The following KATNIP variants were observed in gnomAD, a reference collection of about 807,000 sequenced individuals.
The protein encoded by KATNIP is katanin-interacting protein.
In KATNIP, 126 loss-of-function variants were observed where a neutral mutation model predicts 174.0. That is an observed-to-expected ratio of 0.72 (90% CI 0.63 to 0.84). The LOEUF is 0.84. Ranked by LOEUF, KATNIP falls within the 40% of genes least tolerant of loss-of-function variation. KATNIP has a pLI of 0.00. For synonymous variants in KATNIP, 810 were observed against 835.7 expected, an observed-to-expected ratio of 0.97 and a Z score of 0.53; for missense variants, 1,958 against 2,109.7, an observed-to-expected ratio of 0.93 and a Z score of 1.41.
chr16:27,644,641 G>A (rs1464034524), intron 5 of KATNIP: 1 of 152,176 alleles, frequency 6.6e-6, no homozygotes, highest in East Asian at 1.9e-4. Context: ...AAGTAGCTGG[G>A]ACTACAGGCA....
intron 1 of KATNIP, among the ~76,000 whole-genome samples, chr16:27,572,557 GTC>G (rs1203416769): frequency 1.3e-5 from 2 of 152,074 alleles, no homozygotes; most frequent in African/African-American, 2.4e-5. Flanking sequence ...CCTCTTCTCT[GTC>G]TCTCAGAACC....
rs554128302 is a variant in KATNIP at position 27,637,169 on chromosome 16, C to T, written c.408+6007C>T. On this transcript the variant is annotated intron_variant, in intron 5 of 27. Coordinates refer to ENST00000261588, the MANE Select transcript of KATNIP (RefSeq NM_015202.5). This position sits in a 1 kb window ranked among gnomAD's most constrained non-coding sequence, Gnocchi z 4.7. ...ACAGGAGAAATAGTGAATGGTGCTG[C>T]CTGTTGTTGTTTTAATCACAGAGGG... is the stretch of plus-strand genomic sequence containing the variant. Among the ~76,000 whole-genome samples, 6 of 152,318 alleles carry T rather than the reference C, an allele frequency of 3.9e-5. No homozygotes were observed. The South Asian group carries it at 1.2e-3, about 32-fold the overall frequency.
intron 2 of KATNIP, among the ~76,000 whole-genome samples, chr16:27,580,373 A>G (rs551977434): frequency 1.3e-5 from 2 of 152,234 alleles, no homozygotes; most frequent in South Asian, 4.1e-4. Flanking sequence ...TTGGCCTCCC[A>G]AAGTTCTGGG....
At chr16:27,555,260 A>G (rs555594967) in intron 1 of KATNIP, among the ~76,000 whole-genome samples, 1 of 152,276 alleles carries the variant, frequency 6.6e-6, no homozygotes, top group South Asian at 2.1e-4. Context: ...ATGCCCTCCA[A>G]ACTGGACTGT....
chr16:27,720,795 C>T (rs765115167), intron 13 of KATNIP, among the ~76,000 whole-genome samples: 1 of 152,120 alleles, frequency 6.6e-6, no homozygotes, highest in Non-Finnish European at 1.5e-5. Flanking sequence ...AGCGTGGACG[C>T]GTTTGGGAGC....
intron 9 of KATNIP, among the ~76,000 whole-genome samples, chr16:27,698,887 G>A (rs1481773433): frequency 6.6e-6 from 1 of 152,182 alleles, no homozygotes; most frequent in Non-Finnish European, 1.5e-5. Context: ...TCAGGCCTCC[G>A]CAGTCGTCAC....
intron 3 of KATNIP, 39 bp downstream of exon 3, chr16:27,618,540 G>A (rs1050188205): frequency 7.7e-6 from 11 of 1,429,292 alleles, no homozygotes; most frequent in South Asian, 3.4e-5. Context: ...TGATATTAGC[G>A]AAGTAAAAAT....
chr16:27,614,589 G>A (rs143362619), intron 2 of KATNIP, among the ~76,000 whole-genome samples: 50 of 152,238 alleles, frequency 3.3e-4, no homozygotes, highest in Non-Finnish European at 5.9e-4. Context: ...GATTACAGGC[G>A]TGAGCATGCC....
intron 2 of KATNIP, among the ~76,000 whole-genome samples, chr16:27,614,080 A>G (rs1023137732): frequency 6.3e-5 from 9 of 142,040 alleles, no homozygotes; most frequent in African/African-American, 2.3e-4. Flanking sequence ...CACACCAGCT[A>G]TTTTTTTTTT....
chr16:27,550,442 T>G, intron 1 of KATNIP, among the ~76,000 whole-genome samples: 1 of 150,804 alleles, frequency 6.6e-6, no homozygotes, highest in African/African-American at 2.4e-5. Flanking sequence ...GGATGTAGGG[T>G]GGGGAAGGAG....
chr16:27,755,509 G>A (rs1428207253), intron 18 of KATNIP: 2 of 152,298 alleles, frequency 1.3e-5, no homozygotes, highest in Non-Finnish European at 2.9e-5. Context: ...CAGGGAGCTC[G>A]GAACCTGGGA....
chr16:27,692,829 A>C (rs1241976743), intron 8 of KATNIP, among the ~76,000 whole-genome samples: 1 of 152,178 alleles, frequency 6.6e-6, no homozygotes, highest in Non-Finnish European at 1.5e-5. Flanking sequence ...CTGTACTCCC[A>C]CACCAAGAGC....
At chr16:27,737,998 G>A (rs1427646955) in intron 14 of KATNIP, among the ~76,000 whole-genome samples, 1 of 152,166 alleles carries the variant, frequency 6.6e-6, no homozygotes, top group African/African-American at 2.4e-5. Context: ...GGGGTAGTGG[G>A]AGGAGGAGCC....
intron 1 of KATNIP, among the ~76,000 whole-genome samples, chr16:27,561,890 G>A (rs1422815696): frequency 6.6e-6 from 1 of 152,200 alleles, no homozygotes; most frequent in East Asian, 1.9e-4. Context: ...TTAGAGGCCT[G>A]CAGGGGCCAG....
At chr16:27,586,440 C>CA (rs1001653777) in intron 2 of KATNIP, among the ~76,000 whole-genome samples, 13 of 145,250 alleles carry the variant, frequency 9.0e-5, no homozygotes, top group African/African-American at 2.5e-4. Context: ...GACCCTGCCT[C>CA]AAAAAAAAAT....
chr16:27,557,457 A>G (rs1397334190), intron 1 of KATNIP, among the ~76,000 whole-genome samples: 3 of 139,178 alleles, frequency 2.2e-5, no homozygotes, highest in East Asian at 2.1e-4. Context: ...TTTGAGACAG[A>G]GTCTTGCTCT....
intron 2 of KATNIP, among the ~76,000 whole-genome samples, chr16:27,577,912 A>G (rs2090558494): frequency 6.6e-6 from 1 of 152,138 alleles, no homozygotes; most frequent in Non-Finnish European, 1.5e-5. Context: ...AAAAGTTCCC[A>G]GGTGATTATA....
chr16:27,634,489 G>C (rs1337478561), intron 5 of KATNIP, among the ~76,000 whole-genome samples: 1 of 152,176 alleles, frequency 6.6e-6, no homozygotes, highest in Non-Finnish European at 1.5e-5. Context: ...CCATTGGGAA[G>C]GTGGGGTATC....
At chr16:27,555,082 G>A (rs2141536868) in intron 1 of KATNIP, among the ~76,000 whole-genome samples, 1 of 152,236 alleles carries the variant, frequency 6.6e-6, no homozygotes, top group South Asian at 2.1e-4. Flanking sequence ...ATAGCCATGA[G>A]CCACCGCACC....
Sources: allele counts gnomAD v4.1 joint callset (sites outside exome capture counted in the v4.1 genomes callset), GRCh38; gene constraint gnomAD v4.1.1; non-coding constraint Gnocchi (gnomAD v3.1); transcripts MANE v1.5; gene names NCBI Gene and HGNC (gene_info 2026-07-23, HGNC 2026-07-21).